The following CORO2B variants were observed in gnomAD, a reference collection of about 807,000 sequenced individuals.
The protein encoded by CORO2B is coronin 2B.
CORO2B carries 26 observed loss-of-function variants against 58.8 expected under a neutral mutation model. That is an observed-to-expected ratio of 0.44 (90% CI 0.32 to 0.61). The LOEUF is 0.61. Among genes scored for constraint, CORO2B ranks in the 20% least tolerant of loss-of-function variants. CORO2B has a pLI of 0.04. For missense variants in CORO2B, 460 were observed against 645.1 expected (o/e 0.71, Z 3.11); for synonymous variants, 242 against 253.8 (o/e 0.95, Z 0.44).
chr15:68,577,000 T>C (rs1446619270), upstream of CORO2B, among the ~76,000 whole-genome samples: 1 of 151,746 alleles, frequency 6.6e-6, no homozygotes, highest in East Asian at 1.9e-4. Flanking sequence ...GGTGGTGCCG[T>C]GAGAGGTGGG....
intron 2 of CORO2B, among the ~76,000 whole-genome samples, chr15:68,664,531 C>T (rs1902124365): frequency 6.6e-6 from 1 of 152,016 alleles, no homozygotes. Flanking sequence ...CCTGTAGTTC[C>T]AGCTACTTGG....
intron 2 of CORO2B, among the ~76,000 whole-genome samples, chr15:68,657,098 TAAAAC>T (rs1901832844): frequency 6.6e-6 from 1 of 152,210 alleles, no homozygotes; most frequent in Non-Finnish European, 1.5e-5. Context: ...TTTATTCAAA[TAAAAC>T]AGATGAACTT....
At chr15:68,564,249 A>G in the CORO2B span, among the ~76,000 whole-genome samples, 1 of 152,120 alleles carries the variant, frequency 6.6e-6, no homozygotes, top group Admixed American at 6.6e-5. Flanking sequence ...GGGCTCTGGC[A>G]TACCTAGACT....
chr15:68,615,888 AAAG>A (rs1900342021), intron 1 of CORO2B, among the ~76,000 whole-genome samples: 1 of 152,204 alleles, frequency 6.6e-6, no homozygotes, highest in Non-Finnish European at 1.5e-5. Context: ...CTGAGACAAG[AAAG>A]AAGATCATAG....
At chr15:68,697,133 G>A (rs1892531445) in intron 3 of CORO2B, among the ~76,000 whole-genome samples, 1 of 151,802 alleles carries the variant, frequency 6.6e-6, no homozygotes, top group Non-Finnish European at 1.5e-5. Flanking sequence ...TGGATGGATG[G>A]ATGGATGGAT....
intron 2 of CORO2B, among the ~76,000 whole-genome samples, chr15:68,648,522 C>A (rs1329150715): frequency 6.8e-6 from 1 of 148,028 alleles, no homozygotes; most frequent in Non-Finnish European, 1.5e-5. Context: ...TGGTGGCGGG[C>A]GCCTGTAGTC....
At chr15:68,707,811 C>A (rs553401738) in intron 3 of CORO2B, among the ~76,000 whole-genome samples, 1 of 152,124 alleles carries the variant, frequency 6.6e-6, no homozygotes, top group East Asian at 1.9e-4. Flanking sequence ...ATGTACTCGC[C>A]AGCTTGTTCC....
chr15:68,566,982 C>G, the CORO2B span, among the ~76,000 whole-genome samples: 4 of 152,378 alleles, frequency 2.6e-5, no homozygotes, highest in African/African-American at 9.6e-5. Context: ...GATCCCCACT[C>G]TCCCACTTGG....
chr15:68,646,769 A>G (rs28529235), intron 2 of CORO2B, among the ~76,000 whole-genome samples: 243 of 152,334 alleles, frequency 1.6e-3, no homozygotes, highest in African/African-American at 5.3e-3. Flanking sequence ...GCTCCTAGTG[A>G]ACCACACAAC....
At chr15:68,558,864 T>C in the CORO2B span, among the ~76,000 whole-genome samples, 1 of 152,160 alleles carries the variant, frequency 6.6e-6, no homozygotes, top group African/African-American at 2.4e-5. Flanking sequence ...ACTTCCCCTC[T>C]CTGGCCTCAG....
At chr15:68,673,907 A>AAGG (rs1367607988) in intron 2 of CORO2B, among the ~76,000 whole-genome samples, 2 of 151,734 alleles carry the variant, frequency 1.3e-5, no homozygotes, top group African/African-American at 4.8e-5. Context: ...CTAACTAGGA[A>AAGG]AGGGACTCCA....
chr15:68,616,676 G>A lies in CORO2B; in HGVS notation c.16-28484G>A, dbSNP rs1384397306. ...AAGCAGGCAATCCCATGTCATCTGCGAGATCTCCCATGGGCGAGGGCTAGC... is the reference window on the plus strand; with the variant it reads ...AAGCAGGCAATCCCATGTCATCTGCAAGATCTCCCATGGGCGAGGGCTAGC... On this transcript the variant is annotated intron_variant, in intron 1 of 11. Coordinates refer to ENST00000261861, the MANE Select transcript of CORO2B (RefSeq NM_006091.5). 10 of 941,974 alleles carry A rather than the reference G, an allele frequency of 1.1e-5. No homozygotes were observed. The South Asian group carries it at 2.4e-4, about 23-fold the overall frequency. The allele number at this position is 941,974 out of a possible 1,614,324, so 58.4% of individuals were successfully genotyped here.
intron 2 of CORO2B, among the ~76,000 whole-genome samples, chr15:68,691,310 A>G (rs1892359917): frequency 7.9e-6 from 1 of 127,334 alleles, no homozygotes; most frequent in Admixed American, 8.6e-5. Context: ...AGCCTGGGAG[A>G]CAGCGAGACT....
At chr15:68,684,718 G>A (rs1005198542) in intron 2 of CORO2B, among the ~76,000 whole-genome samples, 8 of 152,200 alleles carry the variant, frequency 5.3e-5, no homozygotes, top group African/African-American at 1.9e-4. Context: ...AGGGGCAAGT[G>A]TCCTTATTTA....
intron 11 of CORO2B, among the ~76,000 whole-genome samples, chr15:68,724,986 C>A (rs775831538): frequency 6.6e-6 from 1 of 152,094 alleles, no homozygotes; most frequent in Non-Finnish European, 1.5e-5. Context: ...TGTCATAGTT[C>A]CTCATCAGTA....
At chr15:68,589,292 A>G (rs1899642207) in intron 1 of CORO2B, among the ~76,000 whole-genome samples, 2 of 152,224 alleles carry the variant, frequency 1.3e-5, no homozygotes, top group Non-Finnish European at 2.9e-5. Context: ...TGCTGAAGCT[A>G]GAGATTAGGT....
chr15:68,711,230 C>T (rs550825423), intron 4 of CORO2B, among the ~76,000 whole-genome samples: 1 of 152,086 alleles, frequency 6.6e-6, no homozygotes, highest in Non-Finnish European at 1.5e-5. Context: ...GCCTCAGCCC[C>T]GAGCCCCAGG....
chr15:68,664,637 A>T (rs965139545), intron 2 of CORO2B, among the ~76,000 whole-genome samples: 7 of 151,796 alleles, frequency 4.6e-5, no homozygotes, highest in Non-Finnish European at 1.0e-4. Flanking sequence ...ACAGAGCGAG[A>T]CTCTGTCTCA....
chr15:68,591,624 G>A (rs1004987445), intron 1 of CORO2B, among the ~76,000 whole-genome samples: 6 of 152,202 alleles, frequency 3.9e-5, no homozygotes, highest in East Asian at 1.9e-4. Flanking sequence ...GTGCAATGAG[G>A]CGGGGAAGGG....
Sources: gnomAD v4.1 joint callset for allele counts (sites outside exome capture counted in the v4.1 genomes callset) on GRCh38, gnomAD v4.1.1 for gene constraint, MANE v1.5 for transcripts, NCBI Gene and HGNC (gene_info 2026-07-23, HGNC 2026-07-21) for gene names.